Variants in CADM3 observed in about 807,000 individuals in gnomAD.
CADM3 encodes cell adhesion molecule 3.
Under a neutral mutation model 44.9 loss-of-function variants are expected in CADM3, and 11 were observed. The ratio of observed to expected loss-of-function variants is 0.25; its 90% confidence interval spans 0.15 to 0.41. The LOEUF (loss-of-function observed/expected upper bound fraction) is 0.41. CADM3 is among the 10% of genes least tolerant of loss of function. CADM3 has a pLI of 1.00. For synonymous variants in CADM3, 207 were observed against 205.2 expected, an observed-to-expected ratio of 1.01 and a Z score of -0.08; for missense variants, 426 against 512.0, an observed-to-expected ratio of 0.83 and a Z score of 1.62.
intron 1 of CADM3, among the ~76,000 whole-genome samples, chr1:159,191,525 T>C (rs1649660404): frequency 6.6e-6 from 1 of 152,218 alleles, no homozygotes; most frequent in Non-Finnish European, 1.5e-5. Flanking sequence ...TTCTTGTTCT[T>C]ATATGTAGGT....
chr1:159,191,822 C>T, intron 1 of CADM3, 114 bp from the exon 2 acceptor site: 2 of 1,248,406 alleles, frequency 1.6e-6, no homozygotes, highest in Non-Finnish European at 2.3e-6. Context: ...TACACAGAGA[C>T]CTTGTGTACA....
intron 1 of CADM3, among the ~76,000 whole-genome samples, chr1:159,176,306 C>G (rs562580421): frequency 1.3e-5 from 2 of 152,182 alleles, no homozygotes; most frequent in African/African-American, 4.8e-5. Context: ...ATGTTTAACA[C>G]TGACTATAGG....
rs200132536 is a variant in CADM3 at position 159,193,559 on chromosome 1, C to A, written c.519C>A (p.His173Gln). Residue 173 changes from histidine to glutamine, a missense_variant and splice_region_variant, in exon 4 of 9, where the codon CAC becomes CAA. Physicochemically the swap from His to Gln is conservative, Grantham distance 24. This residue lies in a region of CADM3 where 362 missense variants were observed against 474.6 expected (regional missense o/e 0.76). Transcript: ENST00000368125. Reference sequence around the variant, plus strand: ...GGAGAAAGGGTGACCAAGAACTCCACGGTGAGTACCTCCTGCCTTGGGGTT... The same window carrying A: ...GGAGAAAGGGTGACCAAGAACTCCAAGGTGAGTACCTCCTGCCTTGGGGTT... ...LTWRKGDQEL[H>Q]GEPTRIQEDP... 13 of 1,614,032 alleles carry A rather than the reference C, an allele frequency of 8.1e-6. No individual in the cohort carries two copies. Among genetic ancestry groups the A allele is most frequent in the African/African-American group, 2.7e-5 (2 of 74,906 alleles).
At chr1:159,173,578 G>A (rs1211420083) in intron 1 of CADM3, among the ~76,000 whole-genome samples, 1 of 152,166 alleles carries the variant, frequency 6.6e-6, no homozygotes, top group African/African-American at 2.4e-5. Flanking sequence ...AGGAGCTGAA[G>A]GGAGTCCTTG....
intron 8 of CADM3, 68 bp downstream of exon 8, chr1:159,199,944 G>C (rs1432306658): frequency 6.4e-7 from 1 of 1,569,930 alleles, no homozygotes; most frequent in Non-Finnish European, 8.7e-7. Flanking sequence ...AGGCAGGCAC[G>C]AGGAGAAGCA....
At chr1:159,181,752 T>C (rs1015933126) in intron 1 of CADM3, among the ~76,000 whole-genome samples, 1 of 152,210 alleles carries the variant, frequency 6.6e-6, no homozygotes. Context: ...GGCTCCCTCC[T>C]GGTGCTAATG....
intron 1 of CADM3, among the ~76,000 whole-genome samples, chr1:159,183,505 G>A (rs528470323): frequency 5.9e-5 from 9 of 152,160 alleles, no homozygotes; most frequent in Non-Finnish European, 1.3e-4. Context: ...GGGCAGTGAG[G>A]TGGAGAGAAG....
chr1:159,188,698 T>C (rs182578796), intron 1 of CADM3, among the ~76,000 whole-genome samples: 1 of 152,280 alleles, frequency 6.6e-6, no homozygotes, highest in East Asian at 1.9e-4. Flanking sequence ...GCCGGTTTCT[T>C]TGTCCCTCCG....
Position 159,193,408 on chromosome 1 carries a change from C to A in CADM3, c.383-15C>A, listed in dbSNP as rs1649750542. 6.3e-7 allele frequency: 1 copy of A among 1,580,674 alleles called. No homozygotes were observed. The highest frequency in any genetic ancestry group is 2.2e-5 in the East Asian group (1 of 44,556). On this transcript the variant is annotated splice_polypyrimidine_tract_variant and intron_variant, in intron 3 of 8. Coordinates refer to ENST00000368125, the MANE Select transcript of CADM3 (RefSeq NM_001127173.3). Reference sequence around the variant, plus strand: ...GCCTCTCCTTCCTATCCTGGCCATCCCCTATCCATGGCAGGAATTCCACAG... The same window carrying A: ...GCCTCTCCTTCCTATCCTGGCCATCACCTATCCATGGCAGGAATTCCACAG...
chr1:159,181,347 C>T (rs1367351529), intron 1 of CADM3, among the ~76,000 whole-genome samples: 1 of 152,140 alleles, frequency 6.6e-6, no homozygotes, highest in African/African-American at 2.4e-5. Context: ...CATACCTGTC[C>T]GTATGTCTAA....
intron 1 of CADM3, among the ~76,000 whole-genome samples, chr1:159,188,662 C>G (rs1265423196): frequency 6.6e-6 from 1 of 152,098 alleles, no homozygotes; most frequent in Non-Finnish European, 1.5e-5. Context: ...GGCGCTGCGG[C>G]GGGAGACCCT....
chr1:159,190,355 T>G (rs35938613), intron 1 of CADM3, among the ~76,000 whole-genome samples: 17 of 152,210 alleles, frequency 1.1e-4, no homozygotes, highest in Admixed American at 8.5e-4. Flanking sequence ...TAATGCTCAA[T>G]TTAGATGATG....
chr1:159,196,682 G>C (rs1649911824), intron 6 of CADM3: 2 of 639,688 alleles, frequency 3.1e-6, no homozygotes, highest in Admixed American at 2.9e-5. Flanking sequence ...CCAAGTTAAA[G>C]TAAGATACAA....
intron 7 of CADM3, among the ~76,000 whole-genome samples, chr1:159,198,479 C>T (rs1650002590): frequency 6.6e-6 from 1 of 152,172 alleles, no homozygotes; most frequent in Non-Finnish European, 1.5e-5. Flanking sequence ...TTCCTGGACT[C>T]ATCCTCTCCC....
intron 8 of CADM3, 80 bp from the exon 9 acceptor site, chr1:159,200,724 G>A: frequency 1.0e-6 from 1 of 974,090 alleles, no homozygotes; most frequent in Non-Finnish European, 1.5e-6. Context: ...GTGTGTGAGT[G>A]GGTGGGTGAG....
At chr1:159,183,327 C>T (rs950854110) in intron 1 of CADM3, among the ~76,000 whole-genome samples, 2 of 152,180 alleles carry the variant, frequency 1.3e-5, no homozygotes, top group Non-Finnish European at 2.9e-5. Context: ...CACTCATATC[C>T]TGTATGCCTC....
chr1:159,199,639 C>T, intron 7 of CADM3, 112 bp from the exon 8 acceptor site: 1 of 1,384,312 alleles, frequency 7.2e-7, no homozygotes, highest in Non-Finnish European at 1.0e-6. Flanking sequence ...GCTCCATTTT[C>T]CTGATGTTAG....
chr1:159,187,569 T>C (rs1304004715), intron 1 of CADM3, among the ~76,000 whole-genome samples: 1 of 152,204 alleles, frequency 6.6e-6, no homozygotes, highest in Admixed American at 6.5e-5. Flanking sequence ...CTCTGCAAAC[T>C]GAAAGTCCTA....
intron 1 of CADM3, among the ~76,000 whole-genome samples, chr1:159,176,047 C>A (rs758196758): frequency 1.7e-4 from 26 of 152,148 alleles, no homozygotes; most frequent in Admixed American, 1.7e-3. Flanking sequence ...GGGGCTGTGA[C>A]TAGTCTTATT....
Sources: gnomAD v4.1 joint callset for allele counts (sites outside exome capture counted in the v4.1 genomes callset) on GRCh38, gnomAD v4.1.1 for gene constraint, gnomAD v4.1.1 regional missense constraint, MANE v1.5 for transcripts, NCBI Gene and HGNC (gene_info 2026-07-23, HGNC 2026-07-21) for gene names.